WDPCP: variants seen among roughly 807,000 people sequenced by gnomAD.
The protein encoded by WDPCP is WD repeat containing planar cell polarity effector, also known as WD repeat-containing and planar cell polarity effector protein fritz homolog.
In WDPCP, 71 loss-of-function variants were observed where a neutral mutation model predicts 93.1. That is an observed-to-expected ratio of 0.76 (90% CI 0.63 to 0.93). The LOEUF (loss-of-function observed/expected upper bound fraction) is 0.93, where lower values mean the gene tolerates loss of function less well. WDPCP is among the 40% of genes least tolerant of loss of function. WDPCP has a pLI of 0.00. For missense variants in WDPCP, 844 were observed against 887.4 expected (o/e 0.95, Z 0.62); for synonymous variants, 315 against 315.0 (o/e 1.00, Z 0.00).
chr2:63,372,647 T>C (rs914116672), intron 12 of WDPCP, among the ~76,000 whole-genome samples: 8 of 152,204 alleles, frequency 5.3e-5, no homozygotes, highest in African/African-American at 1.9e-4. Flanking sequence ...TTGCTTAATC[T>C]ATCAATTACT....
chr2:63,431,830 G>A (rs1696784065), intron 9 of WDPCP, among the ~76,000 whole-genome samples: 1 of 151,800 alleles, frequency 6.6e-6, no homozygotes, highest in Admixed American at 6.6e-5. Flanking sequence ...TAAAACAAAA[G>A]CTCTTGAGAA....
chr2:63,222,879 GTTCA>G (rs1323850902), intron 14 of WDPCP, among the ~76,000 whole-genome samples: 2 of 151,906 alleles, frequency 1.3e-5, no homozygotes, highest in African/African-American at 4.8e-5. Context: ...ATATACATGT[GTTCA>G]TTATGAGTTC....
chr2:63,483,941 G>A (rs1214418793), intron 6 of WDPCP, among the ~76,000 whole-genome samples: 2 of 151,918 alleles, frequency 1.3e-5, no homozygotes, highest in Non-Finnish European at 1.5e-5. Flanking sequence ...TAGATCACTT[G>A]TCTAGGCCTT....
In WDPCP at chr2:63,157,410, G is replaced by A. The variant is rs560121223; in HGVS notation, c.2079-3836C>T. On this transcript the variant is annotated intron_variant, in intron 15 of 17. Transcript: ENST00000272321. ...GGTAATAGCCTCAGAAAATGAGCTGGGATGTGTTGAATTATCATCTCATAT... is the reference window on the plus strand; with the variant it reads ...GGTAATAGCCTCAGAAAATGAGCTGAGATGTGTTGAATTATCATCTCATAT... Among the ~76,000 whole-genome samples the A allele has an allele frequency of 1.2e-4, 18 of 151,942 alleles. No homozygotes were observed. In the South Asian group the frequency reaches 3.5e-3, roughly 30 times the overall value.
chr2:63,192,639 G>A (rs986751064), intron 14 of WDPCP, among the ~76,000 whole-genome samples: 1 of 152,220 alleles, frequency 6.6e-6, no homozygotes. Context: ...TACCTGAAAT[G>A]TCTGGCACAA....
chr2:63,313,090 C>T (rs1457081571), intron 13 of WDPCP, among the ~76,000 whole-genome samples, 158 bp downstream of exon 13: 1 of 152,156 alleles, frequency 6.6e-6, no homozygotes, highest in African/African-American at 2.4e-5. Context: ...TGGTTATTGA[C>T]CAGTTTCACG....
At chr2:63,251,556 A>T (rs1001363651) in intron 14 of WDPCP, among the ~76,000 whole-genome samples, 1 of 135,020 alleles carries the variant, frequency 7.4e-6, no homozygotes, top group African/African-American at 2.9e-5. Context: ...CAGTGGCATG[A>T]TCTCGGCTCA....
chr2:63,127,121 C>CTT (rs66754554), intron 17 of WDPCP, among the ~76,000 whole-genome samples: 3 of 119,846 alleles, frequency 2.5e-5, no homozygotes, highest in Non-Finnish European at 5.2e-5. Context: ...ACATATTTAA[C>CTT]TTTTTTTTTT....
intron 12 of WDPCP, among the ~76,000 whole-genome samples, chr2:63,353,663 G>A (rs545525356): frequency 6.6e-6 from 1 of 152,230 alleles, no homozygotes; most frequent in Non-Finnish European, 1.5e-5. Flanking sequence ...CTCCTCACTT[G>A]GCAGGACCTC....
chr2:63,675,556 T>C (rs1211917486), intron 2 of WDPCP, among the ~76,000 whole-genome samples: 2 of 152,104 alleles, frequency 1.3e-5, no homozygotes, highest in Admixed American at 6.6e-5. Context: ...AAATCTCCAT[T>C]ATATGTTGTC....
At chr2:63,375,989 G>C (rs1476807279) in intron 12 of WDPCP, among the ~76,000 whole-genome samples, 1 of 151,696 alleles carries the variant, frequency 6.6e-6, no homozygotes, top group Non-Finnish European at 1.5e-5. Flanking sequence ...TCTTTTTTCA[G>C]AGTATTAAAA....
chr2:63,701,952 T>C (rs960708326), intron 2 of WDPCP, among the ~76,000 whole-genome samples: 3 of 152,200 alleles, frequency 2.0e-5, no homozygotes, highest in African/African-American at 4.8e-5. Flanking sequence ...AGGATGATCA[T>C]AGTTTACAAT....
At chr2:63,614,061 C>T (rs1204412864) in intron 3 of WDPCP, among the ~76,000 whole-genome samples, 4 of 152,182 alleles carry the variant, frequency 2.6e-5, no homozygotes, top group African/African-American at 9.7e-5. Context: ...CAGGGAAGTT[C>T]TGACCGTCAC....
Position 63,119,559 on chromosome 2 carries a change from T to C in WDPCP, c.*2447A>G, listed in dbSNP as rs1669446326. ...TTAATGAAGCAAAAACTTTTAGACATTAGCATTCCAAGCAAAGTTTATTCT... is the reference window on the plus strand; with the variant it reads ...TTAATGAAGCAAAAACTTTTAGACACTAGCATTCCAAGCAAAGTTTATTCT... On this transcript the variant is annotated 3_prime_UTR_variant, in exon 18 of 18. Coordinates refer to ENST00000272321, the MANE Select transcript of WDPCP (RefSeq NM_015910.7). The C allele has an allele frequency of 6.6e-6, 1 of 152,174 alleles. No homozygotes were observed. Among genetic ancestry groups the C allele is most frequent in the African/African-American group, 2.4e-5 (1 of 41,442 alleles). The allele number at this position is 152,174 out of a possible 1,614,324, so 9.4% of individuals were successfully genotyped here.
chr2:63,802,319 A>G (rs1464106576), intron 2 of WDPCP, among the ~76,000 whole-genome samples: 1 of 124,406 alleles, frequency 8.0e-6, no homozygotes, highest in African/African-American at 3.1e-5. Flanking sequence ...AAAAAAAAAA[A>G]AAGATTTATT....
At chr2:63,556,002 T>A (rs193301287) in intron 1 of WDPCP, among the ~76,000 whole-genome samples, 14 of 152,260 alleles carry the variant, frequency 9.2e-5, no homozygotes, top group African/African-American at 3.4e-4. Context: ...CTGAGATGGA[T>A]GAATTGACAG....
intron 14 of WDPCP, among the ~76,000 whole-genome samples, chr2:63,222,408 G>T (rs1300041983): frequency 6.6e-6 from 1 of 152,190 alleles, no homozygotes; most frequent in Non-Finnish European, 1.5e-5. Context: ...CGTGGCCATA[G>T]ATCAGGAATG....
chr2:63,684,532 C>T (rs763733841), intron 2 of WDPCP: 2 of 719,146 alleles, frequency 2.8e-6, no homozygotes, highest in Admixed American at 1.8e-5. Flanking sequence ...GAGTTTATAA[C>T]TATAATCACC....
chr2:63,504,609 ACT>A (rs887010941), intron 1 of WDPCP, among the ~76,000 whole-genome samples: 3 of 151,654 alleles, frequency 2.0e-5, no homozygotes, highest in Admixed American at 2.0e-4. Flanking sequence ...TGCTCTTTCA[ACT>A]CTCTCTCCCT....
Sources: gnomAD v4.1 joint callset for allele counts (sites outside exome capture counted in the v4.1 genomes callset) on GRCh38, gnomAD v4.1.1 for gene constraint, MANE v1.5 for transcripts, NCBI Gene and HGNC (gene_info 2026-07-23, HGNC 2026-07-21) for gene names.